JARID2: variants seen among roughly 807,000 people sequenced by gnomAD.
The protein encoded by JARID2 is jumonji and AT-rich interaction domain containing 2.
Under a neutral mutation model 125.6 loss-of-function variants are expected in JARID2, and 21 were observed. That is an observed-to-expected ratio of 0.17 (90% CI 0.12 to 0.24). The LOEUF (loss-of-function observed/expected upper bound fraction) is 0.24, where lower values mean the gene tolerates loss of function less well. Among genes scored for constraint, JARID2 ranks in the 10% least tolerant of loss-of-function variants. The probability of loss-of-function intolerance (pLI) is 1.00; values close to 1 mark genes in which losing one functional copy is unlikely to be tolerated. For missense variants in JARID2, 1,303 were observed against 1,639.6 expected (o/e 0.79, Z 3.55); for synonymous variants, 736 against 661.6 (o/e 1.11, Z -1.73).
At chr6:15,413,735 T>C (rs1766005087) in intron 3 of JARID2, among the ~76,000 whole-genome samples, 1 of 152,134 alleles carries the variant, frequency 6.6e-6, no homozygotes. Context: ...GACTCCTGAG[T>C]AGCTGGGACT....
chr6:15,419,245 T>G lies in JARID2; in HGVS notation c.323+8880T>G, dbSNP rs1270062212. 2.6e-5 allele frequency among the ~76,000 whole-genome samples: 4 copies of G among 152,324 alleles called. No homozygotes were observed. The East Asian group carries it at 7.7e-4, about 29-fold the overall frequency. ...TTGTTCTTACAACCTGGAGATATAT[T>G]TTATAAATAAGAGAAGTACTAGTTT... is the stretch of plus-strand genomic sequence containing the variant. On this transcript the variant is annotated intron_variant, in intron 3 of 17. Transcript: ENST00000341776.
At chr6:15,501,590 G>A (rs532624776) in intron 8 of JARID2, among the ~76,000 whole-genome samples, 181 bp downstream of exon 8, 112 of 152,280 alleles carry the variant, frequency 7.4e-4, no homozygotes, top group South Asian at 1.7e-3. Flanking sequence ...AAATACTACA[G>A]ACTGGGGAAT....
In JARID2 at chr6:15,361,000, C is replaced by T. The variant is rs16876286; in HGVS notation, c.46-13117C>T. Among the ~76,000 whole-genome samples the T allele has an allele frequency of 2.1e-3, 326 of 152,252 alleles. 4 individuals carry two copies. The South Asian group carries it at 0.028, about 13-fold the overall frequency. ...GCACCTAAATTTATATTCTGAGTTT[C>T]GATTAAAACCACCCAACTACATTCA... On this transcript the variant is annotated intron_variant, in intron 1 of 17. Coordinates refer to ENST00000341776, the MANE Select transcript of JARID2 (RefSeq NM_004973.4).
chr6:15,262,867 T>C (rs1420113991), intron 1 of JARID2, among the ~76,000 whole-genome samples: 2 of 152,126 alleles, frequency 1.3e-5, no homozygotes, highest in African/African-American at 4.8e-5. Flanking sequence ...TGAACGTTTG[T>C]GTGGAGGTTT....
At chr6:15,479,433 A>G (rs1277758183) in intron 5 of JARID2, among the ~76,000 whole-genome samples, 1 of 152,190 alleles carries the variant, frequency 6.6e-6, no homozygotes. Flanking sequence ...CAAGTCTGTT[A>G]TTTTATCATT....
intron 1 of JARID2, among the ~76,000 whole-genome samples, chr6:15,311,805 C>T (rs1762023863): frequency 6.6e-6 from 1 of 151,746 alleles, no homozygotes; most frequent in South Asian, 2.1e-4. Flanking sequence ...CCCTAAGCCC[C>T]AAAAGGGAGT....
chr6:15,477,864 G>A (rs2282824), intron 5 of JARID2, among the ~76,000 whole-genome samples: 97,664 of 151,982 alleles, frequency 0.64, 31,700 homozygotes, highest in East Asian at 0.8. Flanking sequence ...AGGAAAACTC[G>A]AGAAAGTTTA....
intron 1 of JARID2, among the ~76,000 whole-genome samples, chr6:15,286,109 A>G (rs1171706361): frequency 2.6e-5 from 4 of 152,138 alleles, no homozygotes; most frequent in Non-Finnish European, 5.9e-5. Context: ...AGCGCCATCT[A>G]CAAGCCAATT....
At chr6:15,442,473 CT>C (rs1767489114) in intron 3 of JARID2, among the ~76,000 whole-genome samples, 1 of 152,194 alleles carries the variant, frequency 6.6e-6, no homozygotes, top group Non-Finnish European at 1.5e-5. Flanking sequence ...CTCTTACTGT[CT>C]TTATGTAGTC....
chr6:15,457,976 G>A (rs1768264018), intron 4 of JARID2, among the ~76,000 whole-genome samples: 2 of 152,114 alleles, frequency 1.3e-5, no homozygotes, highest in Admixed American at 1.3e-4. Context: ...GATGAATAGT[G>A]CAGCCGGCCC....
At chr6:15,489,820 T>C (rs1770061275) in intron 6 of JARID2, among the ~76,000 whole-genome samples, 1 of 152,224 alleles carries the variant, frequency 6.6e-6, no homozygotes, top group African/African-American at 2.4e-5. Context: ...ATGCAGGGCA[T>C]CCTGCAGGTG....
intron 1 of JARID2, among the ~76,000 whole-genome samples, chr6:15,305,170 T>C (rs569283356): frequency 6.6e-6 from 1 of 152,314 alleles, no homozygotes. Flanking sequence ...CTTTTAAATC[T>C]TGGCCATGTA....
intron 1 of JARID2, among the ~76,000 whole-genome samples, chr6:15,257,279 C>T (rs574036701): frequency 6.6e-6 from 1 of 152,196 alleles, no homozygotes; most frequent in East Asian, 1.9e-4. Flanking sequence ...TGCAGATGGC[C>T]TTTTTTGCTT....
chr6:15,497,190 C>CGG lies in JARID2; in HGVS notation c.1945+20_1945+21insGG. 4.0e-6 allele frequency: 6 copies of CGG among 1,518,360 alleles called. No individual in the cohort carries two copies. The highest frequency in any genetic ancestry group is 4.4e-6 in the Non-Finnish European group (5 of 1,125,982). The allele number at this position is 1,518,360 out of a possible 1,614,324, so 94.1% of individuals were successfully genotyped here. On this transcript the variant is annotated intron_variant, in intron 7 of 17. Coordinates refer to ENST00000341776, the MANE Select transcript of JARID2 (RefSeq NM_004973.4). ...TCATAGGTAGGTCTGGGCGGGGGGT[C>CGG]AGGGGGTGGTGCCTGCCCTCCTGCC...
At chr6:15,250,544 A>G (rs1399695938) in intron 1 of JARID2, among the ~76,000 whole-genome samples, 1 of 152,174 alleles carries the variant, frequency 6.6e-6, no homozygotes, top group Admixed American at 6.5e-5. Context: ...CTGTACAGGG[A>G]CAGTATGGAA....
At chr6:15,498,568 C>T (rs1439559786) in intron 7 of JARID2, among the ~76,000 whole-genome samples, 1 of 152,212 alleles carries the variant, frequency 6.6e-6, no homozygotes, top group Admixed American at 6.5e-5. Flanking sequence ...GGCCACACCT[C>T]CATTTTGGAG....
chr6:15,387,469 T>A (rs1287416009), intron 2 of JARID2, among the ~76,000 whole-genome samples: 1 of 152,142 alleles, frequency 6.6e-6, no homozygotes, highest in Non-Finnish European at 1.5e-5. Flanking sequence ...TGAGTCTTCC[T>A]CCTCATGCGA....
chr6:15,353,568 A>T (rs1280823015), intron 1 of JARID2, among the ~76,000 whole-genome samples: 2 of 152,202 alleles, frequency 1.3e-5, no homozygotes, highest in Non-Finnish European at 2.9e-5. Flanking sequence ...ATCGTGGTGA[A>T]TTAAGTGTTC....
chr6:15,505,533 G>GC, intron 9 of JARID2, among the ~76,000 whole-genome samples: 1 of 152,296 alleles, frequency 6.6e-6, no homozygotes, highest in African/African-American at 2.4e-5. Flanking sequence ...GGCGTTTGGT[G>GC]CCCCACCTCC....
Sources: gnomAD v4.1 joint callset for allele counts (sites outside exome capture counted in the v4.1 genomes callset) on GRCh38, gnomAD v4.1.1 for gene constraint, MANE v1.5 for transcripts, NCBI Gene and HGNC (gene_info 2026-07-23, HGNC 2026-07-21) for gene names.